Variants in CHD4 observed in about 807,000 individuals in gnomAD.
The protein encoded by CHD4 is chromodomain helicase DNA binding protein 4.
CHD4 carries 35 observed loss-of-function variants against 235.5 expected under a neutral mutation model. That is an observed-to-expected ratio of 0.15 (90% confidence interval 0.11 to 0.20). CHD4 has a LOEUF of 0.20. Among genes scored for constraint, CHD4 ranks in the 10% least tolerant of loss-of-function variants. CHD4 has a pLI of 1.00. For synonymous variants in CHD4, 900 were observed against 850.2 expected, an observed-to-expected ratio of 1.06 and a Z score of -1.02; for missense variants, 1,329 against 2,432.3, an observed-to-expected ratio of 0.55 and a Z score of 9.54.
chr12:6,594,392 CA>C, intron 15 of CHD4, 66 bp downstream of exon 15: 1 of 1,429,286 alleles, frequency 7.0e-7, no homozygotes, highest in East Asian at 2.3e-5. Flanking sequence ...TCTCTCTACT[CA>C]GTGTAAGTTA....
chr12:6,585,393 T>TC (rs1180228099), intron 25 of CHD4, among the ~76,000 whole-genome samples: 2 of 151,878 alleles, frequency 1.3e-5, no homozygotes, highest in East Asian at 4.0e-4. Flanking sequence ...CAAGTGATTC[T>TC]CTGCCTCAGC....
intron 23 of CHD4, 56 bp from the exon 24 acceptor site, chr12:6,588,005 T>C: frequency 2.0e-6 from 3 of 1,510,246 alleles, no homozygotes; most frequent in Non-Finnish European, 2.8e-6. Context: ...GCCACTCTTA[T>C]CCTGACTTCC....
chr12:6,582,016 T>C (rs1278616304), intron 30 of CHD4, 121 bp downstream of exon 30: 10 of 1,212,774 alleles, frequency 8.2e-6, no homozygotes, highest in Middle Eastern at 2.8e-4. Flanking sequence ...TTGACCAGGC[T>C]AGTCTCTAAC....
At position 6,599,755 on chromosome 12, in the gene CHD4, C is replaced by G. The variant is rs1565616822; in HGVS notation, c.1482+18G>C. ...TACACTTTCCCATTTTTTGCCCCGG[C>G]TGAGATCAGTCACTCACCGTACAAC... On this transcript the variant is annotated intron_variant, in intron 10 of 39. Coordinates refer to ENST00000544040, the MANE Select transcript of CHD4 (RefSeq NM_001273.5). 5 of 1,612,672 alleles carry G rather than the reference C, an allele frequency of 3.1e-6. No homozygotes were observed. Among genetic ancestry groups the G allele is most frequent in the East Asian group, 2.2e-5 (1 of 44,876 alleles).
chr12:6,589,627 C>T (rs777762075), intron 22 of CHD4, among the ~76,000 whole-genome samples: 4 of 149,840 alleles, frequency 2.7e-5, no homozygotes, highest in Admixed American at 2.6e-4. Flanking sequence ...ATTAGCCGGG[C>T]GTGGTGGCGG....
intron 15 of CHD4, 45 bp downstream of exon 15, chr12:6,594,414 C>T (rs1948450597): frequency 1.3e-6 from 2 of 1,545,528 alleles, no homozygotes; most frequent in Admixed American, 1.9e-5. Flanking sequence ...AGGCTTCAAA[C>T]ACAAAACACC....
At position 6,578,445 on chromosome 12, in the gene CHD4, G is replaced by A. The variant is rs778552421; in HGVS notation, c.5083C>T (p.Arg1695Cys). ...DEKQKKNIKQ[R>C]FMFNIADGGF... ...CCATCTGCAATGTTAAACATGAAAC[G>A]TTGTTTAATATTTTTCTTCTGTTTC... The change falls in exon 35 of 40, where the codon CGT becomes TGT. Residue 1695 changes from arginine to cysteine, a missense_variant. Physicochemically the swap from Arg to Cys is radical, Grantham distance 180. Coordinates refer to ENST00000544040, the MANE Select transcript of CHD4 (RefSeq NM_001273.5). 7.4e-6 allele frequency: 12 copies of A among 1,613,814 alleles called. No homozygotes were observed. The highest frequency in any genetic ancestry group is 4.0e-5 in the African/African-American group (3 of 74,888).
At position 6,578,232 on chromosome 12, in the gene CHD4, C is replaced by T. The variant is rs1273434089; in HGVS notation, c.5120-95G>A. The T allele has an allele frequency of 2.2e-6, 3 of 1,341,066 alleles. No homozygotes were observed. The African/African-American group carries it at 4.3e-5, about 19-fold the overall frequency. The allele number at this position is 1,341,066 out of a possible 1,614,324, so 83.1% of individuals were successfully genotyped here. A position where few individuals can be genotyped will look rare whatever the true frequency, so the allele number is the denominator to read the frequency against. ...TATTCTTGTCCCCCACCATCCCCTACCCCTGGATCCATTTCATATAATTTG... is the reference window on the plus strand; with the variant it reads ...TATTCTTGTCCCCCACCATCCCCTATCCCTGGATCCATTTCATATAATTTG... On this transcript the variant is annotated intron_variant, in intron 35 of 39. Coordinates refer to ENST00000544040, the MANE Select transcript of CHD4 (RefSeq NM_001273.5).
At position 6,601,336 on chromosome 12, in the gene CHD4, G is replaced by C; in HGVS notation, c.752C>G (p.Pro251Arg). ...VTATEVAPPPPPVEVPIRKAK... is the reference protein window; with the variant it reads ...VTATEVAPPPRPVEVPIRKAK... ...CTTGCGGATAGGCACCTCCACAGGG[G>C]GAGGTGGTGGTGCAACCTCAGTGGC... is the stretch of plus-strand genomic sequence containing the variant. Residue 251 changes from proline to arginine, a missense_variant, in exon 6 of 40, where the codon CCC (proline) becomes CGC (arginine). Pro to Arg is a moderately radical substitution (Grantham distance 103, BLOSUM62 -2). Around this residue, in one of 26 missense-constraint regions of CHD4, gnomAD observed 160 missense variants for 196.6 expected, o/e 0.81. Transcript: ENST00000544040. The C allele has an allele frequency of 6.2e-7, 1 of 1,614,132 alleles. No homozygotes were observed. The highest frequency in any genetic ancestry group is 8.5e-7 in the Non-Finnish European group (1 of 1,180,028).
At chr12:6,598,160 G>A in intron 11 of CHD4, 61 bp from the exon 12 acceptor site, 1 of 1,610,536 alleles carries the variant, frequency 6.2e-7, no homozygotes, top group South Asian at 1.1e-5. Flanking sequence ...CTATCCACAA[G>A]GCTCTTTTGT....
At chr12:6,584,924 G>T (rs1423359938) in intron 25 of CHD4, among the ~76,000 whole-genome samples, 1 of 152,018 alleles carries the variant, frequency 6.6e-6, no homozygotes, top group East Asian at 1.9e-4. Context: ...TGAACACTAC[G>T]GTACACAGAC....
chr12:6,605,797 G>A (rs1042198764), intron 2 of CHD4, among the ~76,000 whole-genome samples: 6 of 152,120 alleles, frequency 3.9e-5, no homozygotes, highest in Admixed American at 1.3e-4. Context: ...ACCGGTAACC[G>A]ATCAGAAGCT....
Position 6,600,541 on chromosome 12 carries a change from T to C in CHD4, c.1056A>G (p.Lys352=). The part of the protein sequence containing the change: ...SRKKLRTTKK[K]KKGEEEVTAV... ...TACAGAAGAGAAACACACCTTTCTT[T>C]TTCTTTTTAGTGGTTCGGAGTTTCT... Residue 352 remains lysine (K), a synonymous_variant, in exon 8 of 40, where the codon AAA becomes AAG. Transcript: ENST00000544040. 1.9e-6 allele frequency: 3 copies of C among 1,614,052 alleles called. No homozygotes were observed. The highest frequency in any genetic ancestry group is 2.5e-6 in the Non-Finnish European group (3 of 1,180,014).
chr12:6,592,368 T>A (rs1265527580), intron 19 of CHD4, 25 bp downstream of exon 19: 3 of 1,556,158 alleles, frequency 1.9e-6, no homozygotes, highest in Non-Finnish European at 2.6e-6. Context: ...CTAAATGGAG[T>A]CTGCTTCTGT....
chr12:6,582,868 G>A lies in CHD4; in HGVS notation c.4216C>T (p.Arg1406Cys). ...KDKPLPPLLA[R>C]VGGNIEVLGF... ...CTTACTTCAATATTCCCACCAACAC[G>A]GGCCAACAGAGGAGGCAATGGCTTA... is the stretch of plus-strand genomic sequence containing the variant. Residue 1406 changes from arginine (R) to cysteine (C), a missense_variant, in exon 28 of 40, where the codon CGT (arginine) becomes TGT (cysteine). Around this residue, in one of 26 missense-constraint regions of CHD4, gnomAD observed 46 missense variants for 85.6 expected, o/e 0.54. Transcript: ENST00000544040. 1.2e-6 allele frequency: 2 copies of A among 1,613,914 alleles called. No individual in the cohort carries two copies. The highest frequency in any genetic ancestry group is 1.7e-6 in the Non-Finnish European group (2 of 1,180,030).
rs766330469 is a variant in CHD4, at chr12:6,580,055, CAA to C, written c.4909+987_4909+988del. Among the ~76,000 whole-genome samples, 327 of 68,992 alleles carry C rather than the reference CAA, an allele frequency of 4.7e-3. 1 individual carries two copies. The highest frequency in any genetic ancestry group is 0.017 in the East Asian group (42 of 2,518). The allele number at this position is 68,992 out of a possible 152,430, so 45.3% of individuals were successfully genotyped here. A position where few individuals can be genotyped will look rare whatever the true frequency, so the allele number is the denominator to read the frequency against. On this transcript the variant is annotated intron_variant, in intron 33 of 39. Coordinates refer to ENST00000544040, the MANE Select transcript of CHD4 (RefSeq NM_001273.5). ...TGGGCGACAAAGCGAGACTCCGTCT[CAA>C]AAAAAAAAAAAAAAAAAAAATTACG...
At chr12:6,574,351 G>A (rs754454493) in intron 37 of CHD4, among the ~76,000 whole-genome samples, 6 of 152,112 alleles carry the variant, frequency 3.9e-5, no homozygotes, top group Non-Finnish European at 8.8e-5. Flanking sequence ...TCCTAATGCT[G>A]AACATTTATG....
chr12:6,591,726 C>A lies in CHD4; in HGVS notation c.3190G>T (p.Glu1064Ter), dbSNP rs1436254365. Residue 1064 changes from glutamate (E) to a stop codon, truncating the protein, a stop_gained, in exon 21 of 40, where the codon GAG (glutamate) becomes TAG (stop). Transcript: ENST00000544040. LOFTEE classifies it high-confidence loss of function. The part of the protein sequence containing the change: ...LLQKMLKNLK[E>*]GGHRVLIFSQ... ...AAGATGAGTACACGATGCCCACCCTCCTTAAGGTTCTTGAGCATTTTCTGC... is the reference window on the plus strand; with the variant it reads ...AAGATGAGTACACGATGCCCACCCTACTTAAGGTTCTTGAGCATTTTCTGC... 3.1e-6 allele frequency: 5 copies of A among 1,614,138 alleles called. No homozygotes were observed. In the East Asian group the frequency reaches 1.1e-4, roughly 36 times the overall value.
At chr12:6,586,094 C>T (rs532179081) in intron 25 of CHD4, among the ~76,000 whole-genome samples, 2 of 148,600 alleles carry the variant, frequency 1.3e-5, no homozygotes, top group Middle Eastern at 3.7e-3. Context: ...AGCAAGACTC[C>T]GTATCAAAAA....
Sources: gnomAD v4.1 joint callset for allele counts (sites outside exome capture counted in the v4.1 genomes callset) on GRCh38, gnomAD v4.1.1 for gene constraint, gnomAD v4.1.1 regional missense constraint, MANE v1.5 for transcripts, NCBI Gene and HGNC (gene_info 2026-07-23, HGNC 2026-07-21) for gene names.